GALR2: variants seen among roughly 807,000 people sequenced by gnomAD.
The protein encoded by GALR2 is galanin receptor type 2.
GALR2 carries 5 observed loss-of-function variants against 7.2 expected under a neutral mutation model. The observed-to-expected ratio is 0.69, with a 90% CI of 0.36 to 1.45. GALR2 has a LOEUF of 1.45. GALR2 is among the 40% of genes most tolerant of loss of function. The pLI is 0.03. For synonymous variants in GALR2, 300 were observed against 263.9 expected, an observed-to-expected ratio of 1.14 and a Z score of -1.32; for missense variants, 561 against 555.7, an observed-to-expected ratio of 1.01 and a Z score of -0.10.
upstream of GALR2, chr17:76,072,716 G>A (rs1014394000): frequency 2.4e-5 from 19 of 802,530 alleles, no homozygotes; most frequent in Non-Finnish European, 3.3e-5. This position sits in a 1 kb window ranked among gnomAD's most constrained non-coding sequence, Gnocchi z 4.5. Context: ...GCCGCAGTGA[G>A]ACCGTGGCTG....
rs111985204 is a variant in GALR2 at position 76,075,551 on chromosome 17, G to A, written c.368+300G>A. 1.0e-3 allele frequency among the ~76,000 whole-genome samples: 159 copies of A among 152,364 alleles called. 2 individuals carry two copies. Among genetic ancestry groups the A allele is most frequent in the African/African-American group, 3.8e-3 (158 of 41,596 alleles). The stretch of plus-strand genomic sequence containing the variant: ...GTTTGTGCGCGTTCATCTCGCTTGA[G>A]CTTAATGCCCTCCGTGAGGGTGGGA... On this transcript the variant is annotated intron_variant, in intron 1 of 1. Coordinates refer to ENST00000329003, the MANE Select transcript of GALR2 (RefSeq NM_003857.4). This position sits in a 1 kb window ranked among gnomAD's most constrained non-coding sequence, Gnocchi z 5.9.
upstream of GALR2, chr17:76,072,392 C>T (rs766126111): frequency 8.7e-6 from 14 of 1,608,358 alleles, no homozygotes; most frequent in Non-Finnish European, 1.1e-5. This position sits in a 1 kb window ranked among gnomAD's most constrained non-coding sequence, Gnocchi z 4.5. Context: ...TCTTCCCCTC[C>T]GGCACCACGT....
upstream of GALR2, chr17:76,072,297 C>G (rs1200863659): frequency 6.2e-7 from 1 of 1,611,596 alleles, no homozygotes; most frequent in African/African-American, 1.3e-5. This position sits in a 1 kb window ranked among gnomAD's most constrained non-coding sequence, Gnocchi z 4.5. Flanking sequence ...GGCCCGATTA[C>G]TCTAGGATAC....
chr17:76,077,447 GC>G lies in GALR2; in HGVS notation c.*17del, dbSNP rs1300621867. 5.5e-6 allele frequency: 8 copies of G among 1,441,822 alleles called. No homozygotes were observed. The highest frequency in any genetic ancestry group is 7.3e-6 in the Non-Finnish European group (8 of 1,103,062). 89.3% of individuals were successfully genotyped at this position (1,441,822 alleles called of 1,614,324 possible). On this transcript the variant is annotated 3_prime_UTR_variant, in exon 2 of 2. Transcript: ENST00000329003. ...TGTGGCCTGAAAGCACTTAGCGGGC[GC>G]GCTGGGATGTCACAGAGTTGGAGTC... is the stretch of plus-strand genomic sequence containing the variant.
Position 76,075,273 on chromosome 17 carries a change from C to A in GALR2, c.368+22C>A, listed in dbSNP as rs1242763741. The stretch of plus-strand genomic sequence containing the variant: ...ACAGGTGAGCCAGCGCCTTGGCCTC[C>A]CTGGGAGATGGGCATCCACGCGGGG... On this transcript the variant is annotated intron_variant, in intron 1 of 1. Transcript: ENST00000329003. This position sits in a 1 kb window ranked among gnomAD's most constrained non-coding sequence, Gnocchi z 5.9. 1.3e-6 allele frequency: 2 copies of A among 1,582,478 alleles called. No homozygotes were observed. Among genetic ancestry groups the A allele is most frequent in the Admixed American group, 1.7e-5 (1 of 58,672 alleles).
Position 76,074,881 on chromosome 17 carries a change from A to G in GALR2, c.-3A>G, listed in dbSNP as rs2066879883. 1 of 1,511,660 alleles carries G rather than the reference A, an allele frequency of 6.6e-7. No homozygotes were observed. Among genetic ancestry groups the G allele is most frequent in the East Asian group, 2.5e-5 (1 of 40,528 alleles). The allele number at this position is 1,511,660 out of a possible 1,614,324, so 93.6% of individuals were successfully genotyped here. A position where few individuals can be genotyped will look rare whatever the true frequency, so the allele number is the denominator to read the frequency against. On this transcript the variant is annotated 5_prime_UTR_variant, in exon 1 of 2. Transcript: ENST00000329003. This position sits in a 1 kb window ranked among gnomAD's most constrained non-coding sequence, Gnocchi z 6.7. Reference sequence around the variant, plus strand: ...CCCGGGCAGCCTCGGGGTCAGCGGCACCATGAACGTCTCGGGCTGCCCAGG... The same window carrying G: ...CCCGGGCAGCCTCGGGGTCAGCGGCGCCATGAACGTCTCGGGCTGCCCAGG...
chr17:76,076,517 G>A lies in GALR2; in HGVS notation c.369-119G>A. 1.5e-6 allele frequency: 1 copy of A among 658,364 alleles called. No homozygotes were observed. The highest frequency in any genetic ancestry group is 2.6e-6 in the Non-Finnish European group (1 of 388,310). The allele number at this position is 658,364 out of a possible 1,614,324, so 40.8% of individuals were successfully genotyped here. A position where few individuals can be genotyped will look rare whatever the true frequency, so the allele number is the denominator to read the frequency against. Reference sequence around the variant, plus strand: ...CACCCCCACCTCCTCTGTGTGCGGTGTAACCATGCGCTAAGGACCTTCCTC... The same window carrying A: ...CACCCCCACCTCCTCTGTGTGCGGTATAACCATGCGCTAAGGACCTTCCTC... On this transcript the variant is annotated intron_variant, in intron 1 of 1. Transcript: ENST00000329003. The surrounding 1 kb of genome is among the most constrained non-coding windows in gnomAD (Gnocchi z 6.5).
At chr17:76,074,754 C>G, upstream of GALR2, 1 of 1,035,896 alleles carries the variant, frequency 9.7e-7, no homozygotes, top group Non-Finnish European at 1.3e-6. This position sits in a 1 kb window ranked among gnomAD's most constrained non-coding sequence, Gnocchi z 6.7. Flanking sequence ...CCAGATGAGG[C>G]AAGGCTCCCT....
At chr17:76,073,868 G>A (rs1259054667), upstream of GALR2, among the ~76,000 whole-genome samples, 3 of 151,874 alleles carry the variant, frequency 2.0e-5, no homozygotes, top group Non-Finnish European at 4.4e-5. Flanking sequence ...AAAGGTGGCC[G>A]GGCTCGGTGG....
Position 76,075,268 on chromosome 17 carries a change from G to A in GALR2, c.368+17G>A, listed in dbSNP as rs375568757. 2.2e-5 allele frequency: 35 copies of A among 1,587,278 alleles called. No individual in the cohort carries two copies. The East Asian group carries it at 2.2e-4, about 10-fold the overall frequency. On this transcript the variant is annotated intron_variant, in intron 1 of 1. Coordinates refer to ENST00000329003, the MANE Select transcript of GALR2 (RefSeq NM_003857.4). This position sits in a 1 kb window ranked among gnomAD's most constrained non-coding sequence, Gnocchi z 5.9. ...CCTGGACAGGTGAGCCAGCGCCTTG[G>A]CCTCCCTGGGAGATGGGCATCCACG...
Position 76,077,168 on chromosome 17 carries a change from A to C in GALR2, c.901A>C (p.Lys301Gln). 6.2e-7 allele frequency: 1 copy of C among 1,612,218 alleles called. No individual in the cohort carries two copies. Among genetic ancestry groups the C allele is most frequent in the Non-Finnish European group, 8.5e-7 (1 of 1,179,660 alleles). Residue 301 changes from lysine to glutamine, a missense_variant, in exon 2 of 2, where the codon AAA becomes CAA. By Grantham distance (53) the Lys-to-Gln change is moderately conservative. Transcript: ENST00000329003. ...VYALVSKHFR[K>Q]GFRTICAGLL... The stretch of plus-strand genomic sequence containing the variant: ...CGCGCTGGTCTCCAAGCACTTCCGC[A>C]AAGGCTTCCGCACGATCTGCGCGGG...
rs1705201277 is a variant in GALR2, at chr17:76,076,996, G to T, written c.729G>T (p.Ala243=). 1.2e-6 allele frequency: 2 copies of T among 1,609,626 alleles called. No individual in the cohort carries two copies. The highest frequency in any genetic ancestry group is 1.1e-5 in the South Asian group (1 of 91,078). ...KVTRMILIVA[A]LFCLCWMPHH... Reference sequence around the variant, plus strand: ...CACGCATGATCCTCATCGTGGCCGCGCTCTTCTGCCTCTGCTGGATGCCCC... The same window carrying T: ...CACGCATGATCCTCATCGTGGCCGCTCTCTTCTGCCTCTGCTGGATGCCCC... Residue 243 remains alanine (A), a synonymous_variant, in exon 2 of 2, where the codon GCG becomes GCT. Coordinates refer to ENST00000329003, the MANE Select transcript of GALR2 (RefSeq NM_003857.4). The surrounding 1 kb of genome is among the most constrained non-coding windows in gnomAD (Gnocchi z 6.5).
Position 76,077,261 on chromosome 17 carries a change from G to A in GALR2, c.994G>A (p.Gly332Ser), listed in dbSNP as rs2066895709. The A allele has an allele frequency of 6.2e-7, 1 of 1,603,782 alleles. No individual in the cohort carries two copies. Among genetic ancestry groups the A allele is most frequent in the South Asian group, 1.1e-5 (1 of 90,450 alleles). The change falls in exon 2 of 2, where the codon GGC becomes AGC. Residue 332 changes from glycine (G) to serine (S), a missense_variant. Coordinates refer to ENST00000329003, the MANE Select transcript of GALR2 (RefSeq NM_003857.4). ...CGCTGCCGCGCGGGGCACCCACAGT[G>A]GCAGCGTGTTGGAGCGCGAGTCCAG... ...VCAAARGTHS[G>S]SVLERESSDL...
rs755533463 is a variant in GALR2 at position 76,076,965 on chromosome 17, A to G, written c.698A>G (p.Lys233Arg). The G allele has an allele frequency of 1.9e-6, 3 of 1,604,990 alleles. No individual in the cohort carries two copies. The highest frequency in any genetic ancestry group is 2.5e-6 in the Non-Finnish European group (3 of 1,178,868). The part of the protein sequence containing the change: ...AGSGARRAKR[K>R]VTRMILIVAA... ...TCGGGTGCCCGGCGCGCCAAGCGCA[A>G]GGTGACACGCATGATCCTCATCGTG... The change falls in exon 2 of 2, where the codon AAG (lysine) becomes AGG (arginine). Residue 233 changes from lysine (K) to arginine (R), a missense_variant. By Grantham distance (26) the Lys-to-Arg change is conservative. Coordinates refer to ENST00000329003, the MANE Select transcript of GALR2 (RefSeq NM_003857.4). The surrounding 1 kb of genome is among the most constrained non-coding windows in gnomAD (Gnocchi z 6.5).
Position 76,077,113 on chromosome 17 carries a change from C to G in GALR2, c.846C>G (p.Tyr282Ter). 1.2e-6 allele frequency: 2 copies of G among 1,613,044 alleles called. No homozygotes were observed. The highest frequency in any genetic ancestry group is 1.7e-6 in the Non-Finnish European group (2 of 1,179,890). ...GCATCCTCTCGCACCTGGTCTCCTA[C>G]GCCAACTCCTGCGTCAACCCCATCG... is the stretch of plus-strand genomic sequence containing the variant. ...ALRILSHLVS[Y>*]ANSCVNPIVY... The change falls in exon 2 of 2, where the codon TAC becomes TAG. Residue 282 changes from tyrosine (Y) to a stop codon, truncating the protein, a stop_gained. Transcript: ENST00000329003. LOFTEE classifies it low-confidence loss of function (END_TRUNC).
chr17:76,075,655 G>A lies in GALR2; in HGVS notation c.368+404G>A, dbSNP rs968836788. ...GAGTCGCCAGCCAGGGATCGGGTGC[G>A]TGAAGTGACCGTCTGTCTCCTGCAG... On this transcript the variant is annotated intron_variant, in intron 1 of 1. Coordinates refer to ENST00000329003, the MANE Select transcript of GALR2 (RefSeq NM_003857.4). The surrounding 1 kb of genome is among the most constrained non-coding windows in gnomAD (Gnocchi z 5.9). Among the ~76,000 whole-genome samples, 4 of 152,226 alleles carry A rather than the reference G, an allele frequency of 2.6e-5. No individual in the cohort carries two copies. The highest frequency in any genetic ancestry group is 9.6e-5 in the African/African-American group (4 of 41,452).
chr17:76,074,957 C>A lies in GALR2; in HGVS notation c.74C>A (p.Ala25Glu). ...AGGGGGWHPE[A>E]VIVPLLFALI... ...GGCGGGGGAGGCTGGCACCCCGAGG[C>A]GGTCATCGTGCCCCTGCTCTTCGCG... The change falls in exon 1 of 2, where the codon GCG (alanine) becomes GAG (glutamate). Residue 25 changes from alanine to glutamate, a missense_variant. Physicochemically the swap from Ala to Glu is moderately radical, Grantham distance 107. Transcript: ENST00000329003. This position sits in a 1 kb window ranked among gnomAD's most constrained non-coding sequence, Gnocchi z 6.7. The A allele has an allele frequency of 6.3e-7, 1 of 1,584,164 alleles. No homozygotes were observed.
upstream of GALR2, chr17:76,072,292 G>A (rs1254237643): frequency 1.9e-6 from 3 of 1,608,002 alleles, no homozygotes; most frequent in East Asian, 6.8e-5. The surrounding 1 kb of genome is among the most constrained non-coding windows in gnomAD (Gnocchi z 4.5). Context: ...AGTTAGGCCC[G>A]ATTACTCTAG....
chr17:76,072,410 C>T (rs2066860960), upstream of GALR2: 3 of 1,595,936 alleles, frequency 1.9e-6, no homozygotes, highest in Non-Finnish European at 2.6e-6. The surrounding 1 kb of genome is among the most constrained non-coding windows in gnomAD (Gnocchi z 4.5). Flanking sequence ...CGTCCACCGC[C>T]GCTACCGCCG....
Sources: gnomAD v4.1 joint callset for allele counts (sites outside exome capture counted in the v4.1 genomes callset) on GRCh38, gnomAD v4.1.1 for gene constraint, Gnocchi (gnomAD v3.1) non-coding constraint, MANE v1.5 for transcripts, NCBI Gene and HGNC (gene_info 2026-07-23, HGNC 2026-07-21) for gene names.